The following UNC119B variants were observed in gnomAD, a reference collection of about 807,000 sequenced individuals.
UNC119B encodes protein unc-119 homolog B.
A neutral mutation model predicts 23.4 loss-of-function variants in UNC119B; 16 were observed. The observed-to-expected ratio is 0.68, with a 90% confidence interval of 0.46 to 1.04. The LOEUF (loss-of-function observed/expected upper bound fraction) is 1.04. UNC119B is among the 50% of genes least tolerant of loss of function. The pLI, the probability that UNC119B is intolerant of heterozygous loss-of-function variation, is 0.00. For missense variants in UNC119B, 350 were observed against 361.3 expected, an observed-to-expected ratio of 0.97 and a Z score of 0.25; for synonymous variants, 144 against 145.4, an observed-to-expected ratio of 0.99 and a Z score of 0.07.
At chr12:120,711,582 C>A (rs1882670281) in intron 1 of UNC119B, 1 of 152,326 alleles carries the variant, frequency 6.6e-6, no homozygotes, top group South Asian at 2.1e-4. Flanking sequence ...CTGCTGTTTT[C>A]CCTGCAGGAG....
In UNC119B at chr12:120,720,986, A is replaced by G. The variant is rs1002133046; in HGVS notation, c.*954A>G. On this transcript the variant is annotated 3_prime_UTR_variant, in exon 5 of 5. Coordinates refer to ENST00000344651, the MANE Select transcript of UNC119B (RefSeq NM_001080533.3). ...CTAATCTGGCTTATGTTGGGAGGAT[A>G]TGCTTACGAATCAGCAGCAGCTTTC... 2.6e-5 allele frequency: 4 copies of G among 152,228 alleles called. No homozygotes were observed. The highest frequency in any genetic ancestry group is 9.7e-5 in the African/African-American group (4 of 41,442). The allele number at this position is 152,228 out of a possible 1,614,324, so 9.4% of individuals were successfully genotyped here.
chr12:120,716,197 A>G (rs35771722), intron 2 of UNC119B, among the ~76,000 whole-genome samples: 37,856 of 152,114 alleles, frequency 0.25, 4,998 homozygotes, highest in Middle Eastern at 0.36. Flanking sequence ...AATAGAATAG[A>G]CCATGTCAGA....
Position 120,716,675 on chromosome 12 carries a change from G to A in UNC119B, c.406G>A (p.Ala136Thr), listed in dbSNP as rs1410517934. 1.9e-6 allele frequency: 3 copies of A among 1,614,216 alleles called. No individual in the cohort carries two copies. The highest frequency in any genetic ancestry group is 2.2e-5 in the East Asian group (1 of 44,882). ...GGGAGGTGGAGACGTGGACATCAGCGCAGGACGTTTTGTCCGCTATCAGTT... is the reference window on the plus strand; with the variant it reads ...GGGAGGTGGAGACGTGGACATCAGCACAGGACGTTTTGTCCGCTATCAGTT... The part of the protein sequence containing the change: ...EEGGGDVDIS[A>T]GRFVRYQFTP... The change falls in exon 3 of 5, where the codon GCA (alanine) becomes ACA (threonine). Residue 136 changes from alanine to threonine, a missense_variant. Transcript: ENST00000344651.
intron 2 of UNC119B, 94 bp from the exon 3 acceptor site, chr12:120,716,534 G>A (rs1882782871): frequency 7.9e-7 from 1 of 1,269,038 alleles, no homozygotes; most frequent in African/African-American, 1.5e-5. Flanking sequence ...GTGGTTACTG[G>A]GATTGGTTGC....
chr12:120,715,822 C>T (rs886976287), intron 2 of UNC119B, among the ~76,000 whole-genome samples: 2 of 152,124 alleles, frequency 1.3e-5, no homozygotes, highest in Non-Finnish European at 2.9e-5. Context: ...CATGAGCCAC[C>T]GTGCCCAGCC....
chr12:120,710,942 GC>G, intron 1 of UNC119B: 1 of 360,790 alleles, frequency 2.8e-6, no homozygotes, highest in Non-Finnish European at 4.6e-6. Flanking sequence ...TGTGAGTCCG[GC>G]CACGCTAGGA....
At chr12:120,718,152 G>T (rs1209439947) in intron 4 of UNC119B, among the ~76,000 whole-genome samples, 6 of 152,204 alleles carry the variant, frequency 3.9e-5, no homozygotes, top group Non-Finnish European at 5.9e-5. Flanking sequence ...ACAGGCTTGA[G>T]CCACTGCGCC....
At chr12:120,718,791 C>T (rs150599299) in intron 4 of UNC119B, among the ~76,000 whole-genome samples, 103 of 152,288 alleles carry the variant, frequency 6.8e-4, no homozygotes, top group African/African-American at 2.5e-3. Flanking sequence ...CTCTCAGAAT[C>T]CCAGGTCCTT....
chr12:120,716,603 C>T, intron 2 of UNC119B, 25 bp from the exon 3 acceptor site: 1 of 1,612,750 alleles, frequency 6.2e-7, no homozygotes, highest in South Asian at 1.1e-5. Flanking sequence ...AGATGGTGCA[C>T]TGAAGATTCT....
chr12:120,718,397 C>T (rs1882823885), intron 4 of UNC119B, among the ~76,000 whole-genome samples: 1 of 152,152 alleles, frequency 6.6e-6, no homozygotes, highest in African/African-American at 2.4e-5. Context: ...AGAATCAAGG[C>T]CAGAGGACTT....
intron 4 of UNC119B, among the ~76,000 whole-genome samples, chr12:120,719,290 G>A (rs1882842151): frequency 6.6e-6 from 1 of 152,180 alleles, no homozygotes; most frequent in Non-Finnish European, 1.5e-5. Flanking sequence ...CTCCAGTATG[G>A]TTAAAGAGGT....
chr12:120,714,598 G>A (rs550524630), intron 2 of UNC119B, among the ~76,000 whole-genome samples: 2 of 152,208 alleles, frequency 1.3e-5, no homozygotes, highest in South Asian at 2.1e-4. Context: ...GATTACAAGC[G>A]TGAGCCACCG....
At chr12:120,713,814 G>A (rs973774864) in intron 2 of UNC119B, among the ~76,000 whole-genome samples, 4 of 152,164 alleles carry the variant, frequency 2.6e-5, no homozygotes, top group African/African-American at 9.7e-5. Flanking sequence ...TGAGCCTGGT[G>A]CCCTCTTGGA....
At chr12:120,715,347 T>C (rs1300809647) in intron 2 of UNC119B, among the ~76,000 whole-genome samples, 6 of 152,186 alleles carry the variant, frequency 3.9e-5, no homozygotes, top group Admixed American at 3.9e-4. Flanking sequence ...GGTGAACCCC[T>C]ACTCAGCCTG....
chr12:120,710,914 T>C (rs540256430), intron 1 of UNC119B, 196 bp downstream of exon 1: 1 of 448,320 alleles, frequency 2.2e-6, no homozygotes, highest in South Asian at 1.2e-4. Context: ...AGGACTCTCC[T>C]GGGCTGGACC....
intron 4 of UNC119B, among the ~76,000 whole-genome samples, chr12:120,718,927 C>T (rs1266764678): frequency 6.6e-6 from 1 of 152,158 alleles, no homozygotes; most frequent in Non-Finnish European, 1.5e-5. Context: ...TGACTTGAAC[C>T]CCTCTTCCCA....
At chr12:120,713,215 A>G in intron 1 of UNC119B, 59 bp from the exon 2 acceptor site, 1 of 1,369,114 alleles carries the variant, frequency 7.3e-7, no homozygotes, top group Non-Finnish European at 1.0e-6. Flanking sequence ...TTGAGAATTA[A>G]ATAAATGGTA....
intron 2 of UNC119B, among the ~76,000 whole-genome samples, chr12:120,715,498 A>G (rs1200186682): frequency 7.0e-6 from 1 of 142,786 alleles, no homozygotes; most frequent in Non-Finnish European, 1.5e-5. Context: ...TCCTATTCAC[A>G]TTAGAATGCT....
rs186326481 is a variant in UNC119B, at chr12:120,714,545, G to A, written c.358+1158G>A. Among the ~76,000 whole-genome samples the A allele has an allele frequency of 2.0e-4, 29 of 141,898 alleles. 1 individual carries two copies. Among genetic ancestry groups the A allele is most frequent in the African/African-American group, 7.1e-4 (26 of 36,872 alleles). The allele number at this position is 141,898 out of a possible 152,430, so 93.1% of individuals were successfully genotyped here. ...CATGTTGGTCAGGCTGGTGTCAGAC[G>A]CCTGACCTTTGATTCGCCTGCCTTG... On this transcript the variant is annotated intron_variant, in intron 2 of 4. Transcript: ENST00000344651.
Sources: gnomAD v4.1 joint callset for allele counts (sites outside exome capture counted in the v4.1 genomes callset) on GRCh38, gnomAD v4.1.1 for gene constraint, MANE v1.5 for transcripts, NCBI Gene and HGNC (gene_info 2026-07-23, HGNC 2026-07-21) for gene names.